The following TUBD1 variants were observed in gnomAD, a reference collection of about 807,000 sequenced individuals.
The protein encoded by TUBD1 is tubulin delta chain.
Under a neutral mutation model 51.2 loss-of-function variants are expected in TUBD1, and 38 were observed. That is an observed-to-expected ratio of 0.74 (90% CI 0.57 to 0.97). The LOEUF (loss-of-function observed/expected upper bound fraction) is 0.97. Ranked by LOEUF, TUBD1 falls within the 50% of genes least tolerant of loss-of-function variation. The pLI is 0.00. For missense variants in TUBD1, 489 were observed against 538.4 expected, an observed-to-expected ratio of 0.91 and a Z score of 0.91; for synonymous variants, 169 against 178.2, an observed-to-expected ratio of 0.95 and a Z score of 0.41.
rs923050820 is a variant in TUBD1, at chr17:59,892,805, G to A, written c.-148C>T. ...AAACTTACTGAGAACAAATGCGCATGTTCCATAAACGGAGAGTTTTGTTGT... is the reference window on the plus strand; with the variant it reads ...AAACTTACTGAGAACAAATGCGCATATTCCATAAACGGAGAGTTTTGTTGT... On this transcript the variant is annotated 5_prime_UTR_variant, in exon 1 of 9. Transcript: ENST00000325752. 2 of 187,598 alleles carry A rather than the reference G, an allele frequency of 1.1e-5. No individual in the cohort carries two copies. The highest frequency in any genetic ancestry group is 1.3e-4 in the East Asian group (1 of 7,624). 11.6% of individuals were successfully genotyped at this position (187,598 alleles called of 1,614,324 possible). A position where few individuals can be genotyped will look rare whatever the true frequency, so the allele number is the denominator to read the frequency against.
At chr17:59,891,138 T>C in intron 1 of TUBD1, 97 bp from the exon 2 acceptor site, 4 of 675,056 alleles carry the variant, frequency 5.9e-6, no homozygotes, top group Non-Finnish European at 9.6e-6. Context: ...AAAAAGTCTT[T>C]TTTCCCCCCT....
At chr17:59,865,861 A>G (rs576059332) in intron 7 of TUBD1, among the ~76,000 whole-genome samples, 1 of 152,204 alleles carries the variant, frequency 6.6e-6, no homozygotes, top group South Asian at 2.1e-4. Context: ...CTGTAATCCC[A>G]ACACTTTGGG....
At chr17:59,889,437 T>C (rs1205600658) in intron 2 of TUBD1, among the ~76,000 whole-genome samples, 9 of 150,072 alleles carry the variant, frequency 6.0e-5, no homozygotes, top group Admixed American at 2.0e-4. Flanking sequence ...GAAGCTGAGG[T>C]GGGCAGATCA....
At chr17:59,880,722 G>A (rs2040445620) in intron 4 of TUBD1, among the ~76,000 whole-genome samples, 172 bp downstream of exon 4, 1 of 151,784 alleles carries the variant, frequency 6.6e-6, no homozygotes, top group Non-Finnish European at 1.5e-5. Flanking sequence ...CACCATGTTA[G>A]CCGGGATGGT....
In TUBD1 at chr17:59,874,573, T is replaced by C. The variant is rs773741680; in HGVS notation, c.900A>G (p.Arg300=). ...TCTTTGCATTAGAAATGAGCATCTG[T>C]CTCAAATGCTTGAGGAGGCCAGCCC... ...FTWAGLLKHL[R]QMLISNAKME... The change falls in exon 6 of 9, where the codon AGA becomes AGG. Residue 300 remains arginine (R), a synonymous_variant. Transcript: ENST00000325752. 6.2e-7 allele frequency: 1 copy of C among 1,612,928 alleles called. No individual in the cohort carries two copies.
rs146813078 is a variant in TUBD1 at position 59,866,708 on chromosome 17, G to T, written c.976C>A (p.Pro326Thr). Residue 326 changes from proline (P) to threonine (T), a missense_variant, in exon 7 of 9, where the codon CCT becomes ACT. Physicochemically the swap from Pro to Thr is conservative, Grantham distance 38 (BLOSUM62 -1). Transcript: ENST00000325752. The part of the protein sequence containing the change: ...HVWPPLSGLP[P>T]LSKMSLNKDL... ...TTGTTGAGAGACATTTTACTAAGAG[G>T]AGGAAGTCCTGATAAAGGAGGCCAT... is the stretch of plus-strand genomic sequence containing the variant. 2 of 1,614,010 alleles carry T rather than the reference G, an allele frequency of 1.2e-6. No homozygotes were observed. Among genetic ancestry groups the T allele is most frequent in the Non-Finnish European group, 1.7e-6 (2 of 1,179,986 alleles).
At chr17:59,884,991 C>T (rs951355956) in intron 3 of TUBD1, 8 of 262,502 alleles carry the variant, frequency 3.0e-5, no homozygotes, top group Non-Finnish European at 2.3e-5. Flanking sequence ...AGAATCTCAG[C>T]AGAAGGGAAA....
intron 7 of TUBD1, among the ~76,000 whole-genome samples, chr17:59,866,345 C>G (rs750792093): frequency 2.3e-4 from 35 of 151,474 alleles, no homozygotes; most frequent in Non-Finnish European, 4.4e-4. Context: ...AGCTATCCTT[C>G]TGCCTCAGCC....
intron 3 of TUBD1, among the ~76,000 whole-genome samples, chr17:59,881,808 T>G (rs1476192927): frequency 3.3e-5 from 5 of 151,926 alleles, no homozygotes; most frequent in African/African-American, 1.2e-4. Context: ...TAGCTGGGAT[T>G]ACAGATGCCC....
intron 8 of TUBD1, among the ~76,000 whole-genome samples, chr17:59,861,227 C>T (rs2039427471): frequency 6.7e-6 from 1 of 148,760 alleles, no homozygotes; most frequent in Non-Finnish European, 1.5e-5. Context: ...GGGTTTTGCT[C>T]TGTCTCTGTC....
At chr17:59,861,032 A>G (rs934714901) in intron 8 of TUBD1, among the ~76,000 whole-genome samples, 2 of 151,956 alleles carry the variant, frequency 1.3e-5, no homozygotes, top group Non-Finnish European at 2.9e-5. Flanking sequence ...CCCTATATTC[A>G]GTATAAACTC....
intron 6 of TUBD1, among the ~76,000 whole-genome samples, chr17:59,874,288 A>C (rs1017924176): frequency 2.0e-5 from 3 of 152,146 alleles, no homozygotes; most frequent in African/African-American, 7.2e-5. Context: ...TGATTTTTAA[A>C]ACTATGTTCA....
chr17:59,886,344 G>C, intron 2 of TUBD1, 114 bp from the exon 3 acceptor site: 2 of 1,052,768 alleles, frequency 1.9e-6, no homozygotes, highest in South Asian at 3.5e-5. Flanking sequence ...AAAAATTCCA[G>C]GGGTTGTGGT....
intron 6 of TUBD1, among the ~76,000 whole-genome samples, chr17:59,867,347 C>T (rs1167653749): frequency 6.6e-6 from 1 of 151,986 alleles, no homozygotes. Context: ...GGAGGGTCTA[C>T]CAATTCTCCT....
chr17:59,865,802 G>A (rs545667716), intron 7 of TUBD1, among the ~76,000 whole-genome samples: 1 of 151,876 alleles, frequency 6.6e-6, no homozygotes, highest in African/African-American at 2.4e-5. Context: ...AGTGTGATAT[G>A]TGACTTTGAG....
rs140731281 is a variant in TUBD1, at chr17:59,891,089, GAACA to G, written c.-39-52_-39-49del. ...TTGAGAACCACTACATTACTAATAA[GAACA>G]AATAAAATGCCATGTATGTTAATTA... On this transcript the variant is annotated intron_variant, in intron 1 of 8. Coordinates refer to ENST00000325752, the MANE Select transcript of TUBD1 (RefSeq NM_016261.4). 1.4e-3 allele frequency: 1,377 copies of G among 1,000,790 alleles called. 12 individuals are homozygous for G. The African/African-American group carries it at 0.02, about 14-fold the overall frequency. 62.0% of individuals were successfully genotyped at this position (1,000,790 alleles called of 1,614,324 possible). A position where few individuals can be genotyped will look rare whatever the true frequency, so the allele number is the denominator to read the frequency against.
chr17:59,879,125 A>C (rs115381212), intron 4 of TUBD1, among the ~76,000 whole-genome samples: 5,722 of 152,024 alleles, frequency 0.038, 386 homozygotes, highest in African/African-American at 0.13. Context: ...AAAAATACAA[A>C]ATTAGCCGAG....
chr17:59,885,370 T>TG, intron 3 of TUBD1: 1 of 794,602 alleles, frequency 1.3e-6, no homozygotes, highest in South Asian at 1.4e-5. Flanking sequence ...ACCTGTTTCT[T>TG]GGAATGTCAT....
rs549356226 is a variant in TUBD1, at chr17:59,861,958, A to G, written c.1260-1534T>C. ...TGGAATTACAGGTGTGAGCCACTGC[A>G]CCCAGCCTGAGTGGGGTTTTATGGA... On this transcript the variant is annotated intron_variant, in intron 8 of 8. Coordinates refer to ENST00000325752, the MANE Select transcript of TUBD1 (RefSeq NM_016261.4). Among the ~76,000 whole-genome samples the G allele has an allele frequency of 1.2e-4, 18 of 150,748 alleles. No homozygotes were observed. In the South Asian group the frequency reaches 1.7e-3, roughly 14 times the overall value.
Sources: gnomAD v4.1 joint callset for allele counts (sites outside exome capture counted in the v4.1 genomes callset) on GRCh38, gnomAD v4.1.1 for gene constraint, MANE v1.5 for transcripts, NCBI Gene and HGNC (gene_info 2026-07-23, HGNC 2026-07-21) for gene names.